The following C12orf54 variants were observed in gnomAD, a reference collection of about 807,000 sequenced individuals.
The protein encoded by C12orf54 is uncharacterized protein C12orf54.
A neutral mutation model predicts 26.4 loss-of-function variants in C12orf54; 24 were observed. The observed-to-expected ratio is 0.91, with a 90% CI of 0.66 to 1.28. The LOEUF (loss-of-function observed/expected upper bound fraction) is 1.28, where lower values mean the gene tolerates loss of function less well. C12orf54 is among the 50% of genes most tolerant of loss of function. The pLI, the probability that C12orf54 is intolerant of heterozygous loss-of-function variation, is 0.00. For missense variants in C12orf54, 154 were observed against 150.9 expected, an observed-to-expected ratio of 1.02 and a Z score of -0.11; for synonymous variants, 54 against 47.0, an observed-to-expected ratio of 1.15 and a Z score of -0.61.
the C12orf54 span, among the ~76,000 whole-genome samples, chr12:48,470,579 T>C: frequency 6.6e-6 from 1 of 152,210 alleles, no homozygotes; most frequent in Non-Finnish European, 1.5e-5. Flanking sequence ...CTTTGTCAGA[T>C]GCATAGTTTG....
chr12:48,439,163 G>T, the C12orf54 span, among the ~76,000 whole-genome samples: 1 of 152,150 alleles, frequency 6.6e-6, no homozygotes, highest in South Asian at 2.1e-4. Context: ...ATCATCACTG[G>T]CCATCAGAGA....
chr12:48,467,265 G>A, the C12orf54 span, among the ~76,000 whole-genome samples: 4 of 152,264 alleles, frequency 2.6e-5, no homozygotes, highest in South Asian at 6.2e-4. Flanking sequence ...AGCTAAAAGA[G>A]AAGCTTGGAA....
the C12orf54 span, among the ~76,000 whole-genome samples, chr12:48,477,424 C>G: frequency 6.6e-6 from 1 of 152,072 alleles, no homozygotes; most frequent in Non-Finnish European, 1.5e-5. Context: ...AATAGAGACA[C>G]AAAAAACCCT....
At chr12:48,463,102 G>A in the C12orf54 span, among the ~76,000 whole-genome samples, 22,027 of 151,668 alleles carry the variant, frequency 0.15, 2,814 homozygotes, top group East Asian at 0.66. Flanking sequence ...AGGAACAACC[G>A]AAACTTAAAA....
the C12orf54 span, among the ~76,000 whole-genome samples, chr12:48,453,110 C>T: frequency 4.6e-5 from 7 of 152,066 alleles, no homozygotes; most frequent in African/African-American, 1.7e-4. Context: ...CAATGATAGA[C>T]TGGATAAGGA....
At chr12:48,483,760 T>C (rs1240656672) in intron 2 of C12orf54, among the ~76,000 whole-genome samples, 1 of 152,204 alleles carries the variant, frequency 6.6e-6, no homozygotes, top group East Asian at 1.9e-4. Context: ...AGGCTAAATA[T>C]GAGACCCAGG....
At chr12:48,433,055 A>T in the C12orf54 span, among the ~76,000 whole-genome samples, 1 of 152,338 alleles carries the variant, frequency 6.6e-6, no homozygotes, top group Middle Eastern at 3.4e-3. Context: ...GAAATAACCA[A>T]GTAGTAAATA....
At chr12:48,474,433 C>A in the C12orf54 span, among the ~76,000 whole-genome samples, 2 of 152,170 alleles carry the variant, frequency 1.3e-5, no homozygotes, top group Admixed American at 1.3e-4. Flanking sequence ...TGACCCGAAG[C>A]AGGGCGAGGC....
the C12orf54 span, among the ~76,000 whole-genome samples, chr12:48,459,002 T>TCACTTTCC: frequency 1.3e-5 from 2 of 151,876 alleles, no homozygotes; most frequent in Non-Finnish European, 2.9e-5. Flanking sequence ...TTTTTGAACC[T>TCACTTTCC]CCTGTAAGCT....
intron 5 of C12orf54, among the ~76,000 whole-genome samples, 167 bp from the exon 6 acceptor site, chr12:48,490,645 T>A (rs908565374): frequency 3.3e-5 from 5 of 152,132 alleles, no homozygotes; most frequent in Admixed American, 2.0e-4. Context: ...AGAGCAAGAC[T>A]CCATCTCAAA....
chr12:48,480,558 G>A (rs1954188405), upstream of C12orf54, among the ~76,000 whole-genome samples: 1 of 152,098 alleles, frequency 6.6e-6, no homozygotes, highest in South Asian at 2.1e-4. Context: ...AGTCAGAATG[G>A]CCATTATTAA....
the C12orf54 span, among the ~76,000 whole-genome samples, chr12:48,437,638 C>T: frequency 6.6e-6 from 1 of 152,106 alleles, no homozygotes; most frequent in East Asian, 1.9e-4. Context: ...ATAAACAGAA[C>T]CAAAGACAAA....
the C12orf54 span, among the ~76,000 whole-genome samples, chr12:48,470,112 T>A: frequency 1.3e-5 from 2 of 152,240 alleles, no homozygotes; most frequent in African/African-American, 4.8e-5. Context: ...GCACCTAGGT[T>A]GATTCCATGT....
chr12:48,445,174 T>C, the C12orf54 span, among the ~76,000 whole-genome samples: 2 of 148,834 alleles, frequency 1.3e-5, no homozygotes, highest in Non-Finnish European at 3.0e-5. Flanking sequence ...CTCCGTCTCT[T>C]AAAAAAAAAA....
chr12:48,438,814 C>G, the C12orf54 span, among the ~76,000 whole-genome samples: 1 of 152,116 alleles, frequency 6.6e-6, no homozygotes, highest in African/African-American at 2.4e-5. Context: ...AGAAGAAAAC[C>G]TAGACAATAC....
chr12:48,485,755 G>A (rs1424828196), intron 2 of C12orf54, among the ~76,000 whole-genome samples: 1 of 152,156 alleles, frequency 6.6e-6, no homozygotes, highest in Non-Finnish European at 1.5e-5. Context: ...AGTCACGAAG[G>A]AAAAGAACAC....
At chr12:48,456,361 G>T in the C12orf54 span, among the ~76,000 whole-genome samples, 1 of 152,184 alleles carries the variant, frequency 6.6e-6, no homozygotes, top group Non-Finnish European at 1.5e-5. Flanking sequence ...AATTCAAGCT[G>T]TATCAAGTGG....
chr12:48,430,524 C>T, the C12orf54 span, among the ~76,000 whole-genome samples: 1 of 152,066 alleles, frequency 6.6e-6, no homozygotes, highest in Non-Finnish European at 1.5e-5. Flanking sequence ...AGAAGATATA[C>T]AAATGGCCAA....
At chr12:48,441,246 C>G in the C12orf54 span, among the ~76,000 whole-genome samples, 14 of 152,296 alleles carry the variant, frequency 9.2e-5, no homozygotes, top group East Asian at 2.7e-3. Context: ...CTCTAGTGAT[C>G]TTATCAGCAA....
Sources: allele counts gnomAD v4.1 joint callset (sites outside exome capture counted in the v4.1 genomes callset), GRCh38; gene constraint gnomAD v4.1.1; transcripts MANE v1.5; gene names NCBI Gene and HGNC (gene_info 2026-07-23, HGNC 2026-07-21).